NUMB: variants seen among roughly 807,000 people sequenced by gnomAD.
NUMB encodes protein numb homolog.
A neutral mutation model predicts 59.7 loss-of-function variants in NUMB; 29 were observed. The observed-to-expected ratio is 0.49, with a 90% CI of 0.36 to 0.66. The LOEUF (loss-of-function observed/expected upper bound fraction) is 0.66, where lower values mean the gene tolerates loss of function less well. Among genes scored for constraint, NUMB ranks in the 30% least tolerant of loss-of-function variants. NUMB has a pLI of 0.00. For synonymous variants in NUMB, 288 were observed against 288.2 expected, an observed-to-expected ratio of 1.00 and a Z score of 0.01; for missense variants, 723 against 822.0, an observed-to-expected ratio of 0.88 and a Z score of 1.47.
At chr14:73,412,622 C>T (rs1054576284) in intron 1 of NUMB, among the ~76,000 whole-genome samples, 16 of 142,162 alleles carry the variant, frequency 1.1e-4, no homozygotes, top group African/African-American at 3.0e-4. Context: ...AGCGAAACTC[C>T]GTCTCAAAAG....
chr14:73,450,792 A>G (rs1458608216), intron 1 of NUMB, among the ~76,000 whole-genome samples: 1 of 151,900 alleles, frequency 6.6e-6, no homozygotes, highest in Non-Finnish European at 1.5e-5. Flanking sequence ...CCATCTTAAA[A>G]AAAAAAACAA....
At chr14:73,288,551 C>G (rs1889168409) in intron 8 of NUMB, among the ~76,000 whole-genome samples, 1 of 149,836 alleles carries the variant, frequency 6.7e-6, no homozygotes. Flanking sequence ...AACTCCGTCT[C>G]AAAAAATAAA....
intron 2 of NUMB, among the ~76,000 whole-genome samples, chr14:73,399,541 C>T (rs1896306323): frequency 6.6e-6 from 1 of 151,496 alleles, no homozygotes; most frequent in South Asian, 2.1e-4. Context: ...CCAGCCTGGG[C>T]GACAAGAGAG....
chr14:73,425,146 A>G (rs1414824734), intron 1 of NUMB, among the ~76,000 whole-genome samples: 3 of 150,756 alleles, frequency 2.0e-5, no homozygotes, highest in African/African-American at 7.3e-5. Flanking sequence ...TGGTGTCTCT[A>G]TGACATCTAC....
At position 73,351,705 on chromosome 14, in the gene NUMB, G is replaced by A. The variant is rs138967898; in HGVS notation, c.126+3921C>T. 7.2e-3 allele frequency among the ~76,000 whole-genome samples: 1,094 copies of A among 152,160 alleles called. 10 individuals carry two copies. Among genetic ancestry groups the A allele is most frequent in the Non-Finnish European group, 9.9e-3 (675 of 68,002 alleles). The stretch of plus-strand genomic sequence containing the variant: ...AAAATGCTTACAAGGGGCCAGGCGC[G>A]GTGGCTCACGCCTGTAATCCCAGCA... On this transcript the variant is annotated intron_variant, in intron 4 of 12. Coordinates refer to ENST00000555238, the MANE Select transcript of NUMB (RefSeq NM_001005743.2).
At chr14:73,407,670 T>G (rs2140128676) in intron 2 of NUMB, among the ~76,000 whole-genome samples, 1 of 152,362 alleles carries the variant, frequency 6.6e-6, no homozygotes, top group Non-Finnish European at 1.5e-5. Flanking sequence ...AAACTCATTA[T>G]GATGTAAATC....
chr14:73,328,176 G>A (rs1891764246), intron 4 of NUMB, among the ~76,000 whole-genome samples: 2 of 151,922 alleles, frequency 1.3e-5, no homozygotes, highest in Non-Finnish European at 2.9e-5. Flanking sequence ...TCAGGAGGCT[G>A]AGGCACGAGA....
intron 2 of NUMB, among the ~76,000 whole-genome samples, chr14:73,385,308 CTTTTTTTTTTTT>C (rs1174960370): frequency 1.8e-5 from 2 of 112,300 alleles, no homozygotes; most frequent in African/African-American, 6.5e-5. Context: ...CCAGTTAATT[CTTTTTTTTTTTT>C]TTTTTTTGGT....
chr14:73,361,184 A>G (rs1023503337), intron 3 of NUMB, among the ~76,000 whole-genome samples: 13 of 152,200 alleles, frequency 8.5e-5, no homozygotes, highest in East Asian at 3.9e-4. Flanking sequence ...ACCACTGCAC[A>G]TGGCCTATAG....
At chr14:73,455,228 TAATG>T (rs1390139146) in intron 1 of NUMB, among the ~76,000 whole-genome samples, 1 of 152,120 alleles carries the variant, frequency 6.6e-6, no homozygotes, top group Non-Finnish European at 1.5e-5. Context: ...CATAAAACAT[TAATG>T]AAGAGGTTAC....
Position 73,275,556 on chromosome 14 carries a change from G to A in NUMB, c.*1022C>T, listed in dbSNP as rs745736811. On this transcript the variant is annotated 3_prime_UTR_variant, in exon 13 of 13. Transcript: ENST00000555238. ...CCCTTCTATGGTATGATTATGTCAT[G>A]TTACCTTAGTGTTAAAGGATTAACA... 12 of 151,948 alleles carry A rather than the reference G, an allele frequency of 7.9e-5. No individual in the cohort carries two copies. Among genetic ancestry groups the A allele is most frequent in the Middle Eastern group, 3.2e-3 (1 of 316 alleles). 9.4% of individuals were successfully genotyped at this position (151,948 alleles called of 1,614,324 possible).
chr14:73,403,039 G>C (rs529744001), intron 2 of NUMB, among the ~76,000 whole-genome samples: 1 of 152,308 alleles, frequency 6.6e-6, no homozygotes, highest in East Asian at 1.9e-4. Flanking sequence ...TCTCATTACA[G>C]AGGCCAAAAG....
At chr14:73,454,222 A>T (rs4899466) in intron 1 of NUMB, among the ~76,000 whole-genome samples, 2,819 of 151,546 alleles carry the variant, frequency 0.019, 69 homozygotes, top group Admixed American at 0.069. Context: ...TTTTTTTTTA[A>T]AAAAAAAGGA....
At chr14:73,361,291 G>A (rs1894085612) in intron 3 of NUMB, among the ~76,000 whole-genome samples, 1 of 152,154 alleles carries the variant, frequency 6.6e-6, no homozygotes, top group South Asian at 2.1e-4. Flanking sequence ...AAGGTAGAAA[G>A]CATTGGCTTC....
intron 6 of NUMB, among the ~76,000 whole-genome samples, chr14:73,309,718 TATAATAATAATAATAATA>T (rs199953380): frequency 2.9e-5 from 4 of 137,232 alleles, no homozygotes; most frequent in African/African-American, 1.1e-4. Context: ...GAACTTAAGG[TATAATAATAATAATAATA>T]ATAATAATAA....
Position 73,323,257 on chromosome 14 carries a change from T to C in NUMB, c.127-53A>G, listed in dbSNP as rs1219277377. 5 of 1,206,058 alleles carry C rather than the reference T, an allele frequency of 4.1e-6. No individual in the cohort carries two copies. In the African/African-American group the frequency reaches 7.6e-5, roughly 18 times the overall value. 74.7% of individuals were successfully genotyped at this position (1,206,058 alleles called of 1,614,324 possible). A position where few individuals can be genotyped will look rare whatever the true frequency, so the allele number is the denominator to read the frequency against. On this transcript the variant is annotated intron_variant, in intron 4 of 12. Transcript: ENST00000555238. ...ATTGCTATGTTTACCAAGTAGCTAC[T>C]ATACAGTAAGCATTAGGTGAAAATT...
rs973962439 is a variant in NUMB, at chr14:73,276,971, G to A, written c.1563C>T (p.Ala521=). 1 of 1,614,166 alleles carries A rather than the reference G, an allele frequency of 6.2e-7. No homozygotes were observed. Among genetic ancestry groups the A allele is most frequent in the South Asian group, 1.1e-5 (1 of 91,090 alleles). ...TGATGCCCACCACAGGCACATTAGG[G>A]GCTGGATAGGGCATTCCATTGGCCA... ...YPVANGMPYP[A]PNVPVVGITP... The change falls in exon 13 of 13, where the codon GCC becomes GCT. Residue 521 remains alanine, a synonymous_variant. Transcript: ENST00000555238.
At chr14:73,407,653 T>A (rs981533656) in intron 2 of NUMB, among the ~76,000 whole-genome samples, 2 of 152,194 alleles carry the variant, frequency 1.3e-5, no homozygotes, top group African/African-American at 4.8e-5. Context: ...ACCGACTCTG[T>A]TAAATTAAAC....
At chr14:73,360,273 C>T (rs750564272) in intron 3 of NUMB, among the ~76,000 whole-genome samples, 1 of 152,128 alleles carries the variant, frequency 6.6e-6, no homozygotes, top group Non-Finnish European at 1.5e-5. Flanking sequence ...GGTATGGCCC[C>T]GGCTGGGCAC....
Sources: gnomAD v4.1 joint callset for allele counts (sites outside exome capture counted in the v4.1 genomes callset) on GRCh38, gnomAD v4.1.1 for gene constraint, MANE v1.5 for transcripts, NCBI Gene and HGNC (gene_info 2026-07-23, HGNC 2026-07-21) for gene names.